SEMA4B: variants seen among roughly 807,000 people sequenced by gnomAD.
SEMA4B encodes semaphorin 4B.
SEMA4B carries 55 observed loss-of-function variants against 88.1 expected under a neutral mutation model. The observed-to-expected ratio is 0.62, with a 90% CI of 0.50 to 0.78. The LOEUF is 0.78. Ranked by LOEUF, SEMA4B falls within the 30% of genes least tolerant of loss-of-function variation. SEMA4B has a pLI of 0.00. For missense variants in SEMA4B, 1,062 were observed against 1,111.9 expected (o/e 0.96, Z 0.64); for synonymous variants, 525 against 473.6 (o/e 1.11, Z -1.41).
At chr15:90,213,564 C>T (rs1961376358) in intron 1 of SEMA4B, among the ~76,000 whole-genome samples, 1 of 152,354 alleles carries the variant, frequency 6.6e-6, no homozygotes, top group African/African-American at 2.4e-5. Context: ...CTCTGTAGTG[C>T]CCGAGGCAGG....
At chr15:90,223,776 G>C in intron 8 of SEMA4B, 36 bp downstream of exon 8, 1 of 1,605,750 alleles carries the variant, frequency 6.2e-7, no homozygotes, top group East Asian at 2.2e-5. Flanking sequence ...ATGGAAGGGT[G>C]AAGGGTGGCT....
At chr15:90,196,328 C>T (rs1021892617) in intron 1 of SEMA4B, among the ~76,000 whole-genome samples, 2 of 152,028 alleles carry the variant, frequency 1.3e-5, no homozygotes, top group Admixed American at 6.6e-5. Context: ...ATTGAGGCCC[C>T]GAGATCTCTC....
rs1270303425 is a variant in SEMA4B, at chr15:90,201,707, G to T, written c.129G>T (p.Ala43=). 3 of 1,496,470 alleles carry T rather than the reference G, an allele frequency of 2.0e-6. No homozygotes were observed. Among genetic ancestry groups the T allele is most frequent in the Non-Finnish European group, 2.7e-6 (3 of 1,128,712 alleles). The allele number at this position is 1,496,470 out of a possible 1,614,324, so 92.7% of individuals were successfully genotyped here. ...TGCAGCCGCCGCCTCCGACCTGGGC[G>T]CTCAGCCCCCGGATCAGCCTGCCTC... ...LLLQPPPPTW[A]LSPRISLPLG... Residue 43 remains alanine (A), a synonymous_variant, in exon 1 of 14, where the codon GCG becomes GCT. Transcript: ENST00000411539.
upstream of SEMA4B, among the ~76,000 whole-genome samples, chr15:90,200,792 G>T (rs577785553): frequency 6.6e-6 from 1 of 152,208 alleles, no homozygotes; most frequent in Non-Finnish European, 1.5e-5. Context: ...CAAGCCCGCA[G>T]GGTGCCTAGA....
At chr15:90,185,846 T>TAAAA (rs899507550) in intron 1 of SEMA4B, among the ~76,000 whole-genome samples, 22 of 151,676 alleles carry the variant, frequency 1.5e-4, no homozygotes, top group Admixed American at 3.3e-4. Context: ...CCAGAGAGAT[T>TAAAA]AAATCGCTTC....
rs78512501 is a variant in SEMA4B, at chr15:90,207,653, C to G, written c.157+5918C>G. 2.9e-3 allele frequency among the ~76,000 whole-genome samples: 438 copies of G among 152,382 alleles called. 3 individuals are homozygous for G. The highest frequency in any genetic ancestry group is 0.01 in the African/African-American group (424 of 41,582). On this transcript the variant is annotated intron_variant, in intron 1 of 13. Transcript: ENST00000411539. ...AACCACATTCTTTCCATTAGAACAGCTGCCTCCTGCTTCACCTGTGAATCG... is the reference window on the plus strand; with the variant it reads ...AACCACATTCTTTCCATTAGAACAGGTGCCTCCTGCTTCACCTGTGAATCG...
rs374580224 is a variant in SEMA4B at position 90,225,290 on chromosome 15, C to T, written c.1414C>T (p.Arg472Trp). 1.6e-5 allele frequency: 25 copies of T among 1,557,084 alleles called. No homozygotes were observed. The East Asian group carries it at 2.9e-4, about 18-fold the overall frequency. Reference protein sequence around the residue: ...DVLFLGTGDGRLHKAVSVGPR... With the variant: ...DVLFLGTGDGWLHKAVSVGPR... ...TCCTGTCCACACCCCAGGTGACGGC[C>T]GGCTCCACAAGGCAGTGAGCGTGGG... Residue 472 changes from arginine to tryptophan, a missense_variant, in exon 11 of 14, where the codon CGG becomes TGG. Physicochemically the swap from Arg to Trp is moderately radical, Grantham distance 101. Coordinates refer to ENST00000411539, the MANE Select transcript of SEMA4B (RefSeq NM_198925.4).
At chr15:90,222,247 T>TCC (rs1961895980) in intron 7 of SEMA4B, among the ~76,000 whole-genome samples, 1 of 112,486 alleles carries the variant, frequency 8.9e-6, no homozygotes, top group African/African-American at 5.0e-5. Context: ...GCCATTTTTT[T>TCC]TCTTTTCTTT....
intron 4 of SEMA4B, among the ~76,000 whole-genome samples, chr15:90,220,369 T>C (rs867891533): frequency 2.8e-4 from 38 of 135,434 alleles, no homozygotes; most frequent in South Asian, 1.0e-3. Context: ...TTTCTTTTCT[T>C]TTTTTTTTTT....
upstream of SEMA4B, among the ~76,000 whole-genome samples, chr15:90,199,768 G>A (rs139466113): frequency 4.5e-4 from 68 of 152,248 alleles, no homozygotes; most frequent in South Asian, 1.7e-3. Flanking sequence ...AGAGGTTGCA[G>A]TGAGTGGAGA....
intron 4 of SEMA4B, 72 bp from the exon 5 acceptor site, chr15:90,220,908 CCT>C (rs751402505): frequency 9.7e-5 from 95 of 978,886 alleles, no homozygotes; most frequent in Non-Finnish European, 1.4e-4. Flanking sequence ...CTCCTGCACG[CCT>C]CTCTCTTTCT....
rs756705758 is a variant in SEMA4B, at chr15:90,217,515, T to C, written c.234T>C (p.Asp78=). 5.6e-6 allele frequency: 9 copies of C among 1,614,004 alleles called. No homozygotes were observed. Among genetic ancestry groups the C allele is most frequent in the South Asian group, 5.5e-5 (5 of 91,090 alleles). The change falls in exon 2 of 14, where the codon GAT becomes GAC. Residue 78 remains aspartate, a synonymous_variant. Coordinates refer to ENST00000411539, the MANE Select transcript of SEMA4B (RefSeq NM_198925.4). The stretch of plus-strand genomic sequence containing the variant: ...ACACAGCCCTTCTGCTGAGCAGGGA[T>C]GGCAGGACCCTGTACGTGGGTGCTC... ...SNYTALLLSR[D]GRTLYVGARE...
chr15:90,219,848 T>A lies in SEMA4B; in HGVS notation c.440T>A (p.Phe147Tyr). The change falls in exon 4 of 14, where the codon TTC becomes TAC. Residue 147 changes from phenylalanine (F) to tyrosine (Y), a missense_variant. Coordinates refer to ENST00000411539, the MANE Select transcript of SEMA4B (RefSeq NM_198925.4). Reference sequence around the variant, plus strand: ...CTGCCGCTCAGCGGCAGTCACCTGTTCACCTGTGGCACAGCAGCCTTCAGC... The same window carrying A: ...CTGCCGCTCAGCGGCAGTCACCTGTACACCTGTGGCACAGCAGCCTTCAGC... ...ILLPLSGSHL[F>Y]TCGTAAFSPM... The A allele has an allele frequency of 6.2e-7, 1 of 1,613,654 alleles. No homozygotes were observed. Among genetic ancestry groups the A allele is most frequent in the Non-Finnish European group, 8.5e-7 (1 of 1,179,830 alleles).
At chr15:90,202,991 A>G (rs183917490) in intron 1 of SEMA4B, among the ~76,000 whole-genome samples, 1 of 152,330 alleles carries the variant, frequency 6.6e-6, no homozygotes, top group Admixed American at 6.5e-5. Context: ...CTTAGTAACC[A>G]TGTGACCTTG....
Position 90,225,831 on chromosome 15 carries a change from A to C in SEMA4B, c.1688+4A>C. The C allele has an allele frequency of 6.6e-7, 1 of 1,516,842 alleles. No individual in the cohort carries two copies. Among genetic ancestry groups the C allele is most frequent in the Non-Finnish European group, 8.8e-7 (1 of 1,133,294 alleles). The allele number at this position is 1,516,842 out of a possible 1,614,324, so 94.0% of individuals were successfully genotyped here. ...ACCAGCCTCAGCTGGCCACCAGGTG[A>C]GCACTCCCAAAGGCCCCTTCCCATC... On this transcript the variant is annotated splice_donor_region_variant and intron_variant, in intron 12 of 13. Coordinates refer to ENST00000411539, the MANE Select transcript of SEMA4B (RefSeq NM_198925.4).
In SEMA4B at chr15:90,223,756, C is replaced by T. The variant is rs916851941; in HGVS notation, c.1043+16C>T. ...CTTCCCAGTGGTAGGGCCTCCAGAC[C>T]TCGCTGGAGATGGAAGGGTGAAGGG... On this transcript the variant is annotated intron_variant, in intron 8 of 13. Coordinates refer to ENST00000411539, the MANE Select transcript of SEMA4B (RefSeq NM_198925.4). The T allele has an allele frequency of 6.2e-7, 1 of 1,603,140 alleles. No homozygotes were observed. The highest frequency in any genetic ancestry group is 1.7e-5 in the Admixed American group (1 of 59,618).
chr15:90,227,854 G>A, intron 13 of SEMA4B, 50 bp from the exon 14 acceptor site: 1 of 1,602,018 alleles, frequency 6.2e-7, no homozygotes, highest in Non-Finnish European at 8.5e-7. Context: ...GGAGCTTGGA[G>A]CTACTGTGGA....
At chr15:90,201,204 T>G (rs879342188), upstream of SEMA4B, 76 of 552,742 alleles carry the variant, frequency 1.4e-4, no homozygotes, top group Non-Finnish European at 1.7e-4. Context: ...ATCCCGGGCT[T>G]GGCCCCTGCG....
rs2151592517 is a variant in SEMA4B at position 90,201,445 on chromosome 15, T to G, written c.-134T>G. On this transcript the variant is annotated 5_prime_UTR_variant, in exon 1 of 14. Coordinates refer to ENST00000411539, the MANE Select transcript of SEMA4B (RefSeq NM_198925.4). The stretch of plus-strand genomic sequence containing the variant: ...GGCCCACTTGACCCTGTTTCCCACC[T>G]CCCGCCCCCCAGGTCCGGAGGCGGG... 2.3e-6 allele frequency: 3 copies of G among 1,298,128 alleles called. No homozygotes were observed. Among genetic ancestry groups the G allele is most frequent in the East Asian group, 6.4e-5 (2 of 31,020 alleles). 80.4% of individuals were successfully genotyped at this position (1,298,128 alleles called of 1,614,324 possible).
Sources: allele counts gnomAD v4.1 joint callset (sites outside exome capture counted in the v4.1 genomes callset), GRCh38; gene constraint gnomAD v4.1.1; transcripts MANE v1.5; gene names NCBI Gene and HGNC (gene_info 2026-07-23, HGNC 2026-07-21).